PTK7: variants seen among roughly 807,000 people sequenced by gnomAD.
PTK7 encodes protein tyrosine kinase 7 (inactive).
A neutral mutation model predicts 116.6 loss-of-function variants in PTK7; 39 were observed. The observed-to-expected ratio is 0.33, with a 90% CI of 0.26 to 0.44. The LOEUF is 0.44. PTK7 is among the 20% of genes least tolerant of loss of function. The pLI, the probability that PTK7 is intolerant of heterozygous loss-of-function variation, is 1.00. For synonymous variants in PTK7, 546 were observed against 563.6 expected (o/e 0.97, Z 0.44); for missense variants, 1,169 against 1,425.6 (o/e 0.82, Z 2.90).
intron 1 of PTK7, among the ~76,000 whole-genome samples, chr6:43,100,146 G>A (rs895248394): frequency 3.9e-5 from 6 of 152,196 alleles, no homozygotes; most frequent in African/African-American, 1.4e-4. Context: ...TACTTTGGGA[G>A]GCTGAGACGG....
chr6:43,106,771 C>T (rs887707936), intron 1 of PTK7, among the ~76,000 whole-genome samples: 3 of 148,342 alleles, frequency 2.0e-5, no homozygotes, highest in African/African-American at 7.5e-5. Flanking sequence ...ACAGGCGTGA[C>T]ACCCGGCTAA....
chr6:43,109,404 CT>C (rs34550308), intron 1 of PTK7, among the ~76,000 whole-genome samples: 9,521 of 152,070 alleles, frequency 0.063, 325 homozygotes, highest in Non-Finnish European at 0.075. Context: ...TGCTTGTTTC[CT>C]TGTATGATAA....
At chr6:43,126,556 G>A (rs905585429) in intron 1 of PTK7, among the ~76,000 whole-genome samples, 3 of 152,226 alleles carry the variant, frequency 2.0e-5, no homozygotes, top group Non-Finnish European at 4.4e-5. Context: ...CCTGGCAGTC[G>A]GGAATGTGAC....
Position 43,158,955 on chromosome 6 carries a change from G to C in PTK7, c.2860G>C (p.Asp954His), listed in dbSNP as rs780361663. 1 of 1,614,028 alleles carries C rather than the reference G, an allele frequency of 6.2e-7. No individual in the cohort carries two copies. Among genetic ancestry groups the C allele is most frequent in the Non-Finnish European group, 8.5e-7 (1 of 1,180,026 alleles). The change falls in exon 18 of 20, where the codon GAT becomes CAT. Residue 954 changes from aspartate to histidine, a missense_variant. By Grantham distance (81) the Asp-to-His change is moderately conservative. Coordinates refer to ENST00000230419, the MANE Select transcript of PTK7 (RefSeq NM_002821.5). ...VKVSALGLSK[D>H]VYNSEYYHFR... ...GGTGTCTGCCCTGGGCCTCAGCAAG[G>C]ATGTGTACAACAGGTAGAAGGGCAT...
chr6:43,091,283 C>T (rs905491939), intron 1 of PTK7, among the ~76,000 whole-genome samples: 13 of 151,828 alleles, frequency 8.6e-5, no homozygotes, highest in Non-Finnish European at 1.6e-4. Context: ...GGCTCAGCCT[C>T]CCAACTAGCT....
chr6:43,104,465 C>A (rs1767751182), intron 1 of PTK7, among the ~76,000 whole-genome samples: 1 of 152,086 alleles, frequency 6.6e-6, no homozygotes, highest in Non-Finnish European at 1.5e-5. Context: ...GGCTGGAGTA[C>A]AATGGTGTGA....
rs770343207 is a variant in PTK7, at chr6:43,130,302, G to A, written c.543G>A (p.Lys181=). 1.2e-6 allele frequency: 2 copies of A among 1,611,672 alleles called. No homozygotes were observed. Among genetic ancestry groups the A allele is most frequent in the Admixed American group, 1.7e-5 (1 of 59,956 alleles). Residue 181 remains lysine, a synonymous_variant, in exon 4 of 20, where the codon AAG becomes AAA. Coordinates refer to ENST00000230419, the MANE Select transcript of PTK7 (RefSeq NM_002821.5). The stretch of plus-strand genomic sequence containing the variant: ...AGAGCAACCACACAGTCAGCAGCAA[G>A]GAGCGGAACCTGACGCTCCGGCCAG... ...DGQSNHTVSS[K]ERNLTLRPAG...
At chr6:43,127,337 G>A (rs764779934) in intron 1 of PTK7, among the ~76,000 whole-genome samples, 102 of 152,330 alleles carry the variant, frequency 6.7e-4, no homozygotes, top group Middle Eastern at 3.4e-3. Context: ...AGTCGCCCAC[G>A]CGGGCTAGGA....
Position 43,077,021 on chromosome 6 carries a change from A to G in PTK7, c.79+454A>G, listed in dbSNP as rs1005788670. 9.5e-6 allele frequency: 13 copies of G among 1,373,888 alleles called. No individual in the cohort carries two copies. In the African/African-American group the frequency reaches 1.9e-4, roughly 20 times the overall value. The allele number at this position is 1,373,888 out of a possible 1,614,324, so 85.1% of individuals were successfully genotyped here. A position where few individuals can be genotyped will look rare whatever the true frequency, so the allele number is the denominator to read the frequency against. ...GCTGGTTTGGGGCCCGATGCCGGAC[A>G]GACCTGCGGCGCGCAAAGCGCGGAG... On this transcript the variant is annotated intron_variant, in intron 1 of 19. Transcript: ENST00000230419.
chr6:43,129,634 A>T lies in PTK7; in HGVS notation c.368-93A>T. 2 of 1,117,524 alleles carry T rather than the reference A, an allele frequency of 1.8e-6. No homozygotes were observed. Among genetic ancestry groups the T allele is most frequent in the Non-Finnish European group, 2.7e-6 (2 of 739,138 alleles). The allele number at this position is 1,117,524 out of a possible 1,614,324, so 69.2% of individuals were successfully genotyped here. Reference sequence around the variant, plus strand: ...TTGTGTCTGTTGGCACAGAGCCTCGAGGTTCCACGGCTTCCTGCTTGTCCT... The same window carrying T: ...TTGTGTCTGTTGGCACAGAGCCTCGTGGTTCCACGGCTTCCTGCTTGTCCT... On this transcript the variant is annotated intron_variant, in intron 2 of 19. Coordinates refer to ENST00000230419, the MANE Select transcript of PTK7 (RefSeq NM_002821.5). This position sits in a 1 kb window ranked among gnomAD's most constrained non-coding sequence, Gnocchi z 4.5.
chr6:43,149,265 G>A (rs573375750), intron 17 of PTK7, among the ~76,000 whole-genome samples: 2 of 152,020 alleles, frequency 1.3e-5, no homozygotes, highest in African/African-American at 2.4e-5. Flanking sequence ...CCAGCTACTC[G>A]GGAGGCTGAG....
Position 43,076,922 on chromosome 6 carries a change from A to T in PTK7, c.79+355A>T, listed in dbSNP as rs565852289. ...TGTCGGGGGAGAAAAGACCATCCGCACCCACCGTGGGGAGCGCGATGGAGA... is the reference window on the plus strand; with the variant it reads ...TGTCGGGGGAGAAAAGACCATCCGCTCCCACCGTGGGGAGCGCGATGGAGA... On this transcript the variant is annotated intron_variant, in intron 1 of 19. Coordinates refer to ENST00000230419, the MANE Select transcript of PTK7 (RefSeq NM_002821.5). The surrounding 1 kb of genome is among the most constrained non-coding windows in gnomAD (Gnocchi z 5.7). 79 of 1,514,502 alleles carry T rather than the reference A, an allele frequency of 5.2e-5. 1 individual carries two copies. In the South Asian group the frequency reaches 9.6e-4, roughly 18 times the overall value. The allele number at this position is 1,514,502 out of a possible 1,614,324, so 93.8% of individuals were successfully genotyped here.
chr6:43,090,041 C>T (rs958693843), intron 1 of PTK7, among the ~76,000 whole-genome samples: 7 of 152,204 alleles, frequency 4.6e-5, no homozygotes, highest in East Asian at 1.9e-4. Flanking sequence ...AGAGATCCTG[C>T]GGAAGCCACC....
intron 17 of PTK7, among the ~76,000 whole-genome samples, chr6:43,149,110 A>G (rs1770915745): frequency 6.7e-6 from 1 of 149,458 alleles, no homozygotes; most frequent in Non-Finnish European, 1.5e-5. Flanking sequence ...AGTGGCTCAT[A>G]CCTGAAATCC....
Position 43,145,188 on chromosome 6 carries a change from C to T in PTK7, c.2408-12C>T. ...GGTGAAGGTGGCTGGCTGACTCAGA[C>T]TGTACCCACAGGGAAGAGTGAGTTT... On this transcript the variant is annotated splice_polypyrimidine_tract_variant and intron_variant, in intron 15 of 19. Coordinates refer to ENST00000230419, the MANE Select transcript of PTK7 (RefSeq NM_002821.5). This position sits in a 1 kb window ranked among gnomAD's most constrained non-coding sequence, Gnocchi z 4.8. 2 of 1,594,022 alleles carry T rather than the reference C, an allele frequency of 1.3e-6. No homozygotes were observed. Among genetic ancestry groups the T allele is most frequent in the South Asian group, 2.3e-5 (2 of 87,646 alleles).
chr6:43,130,568 A>G lies in PTK7; in HGVS notation c.719A>G (p.Glu240Gly). The change falls in exon 5 of 20, where the codon GAG becomes GGG. Residue 240 changes from glutamate to glycine, a missense_variant. By Grantham distance (98) the Glu-to-Gly change is moderately conservative. This residue lies in a region of PTK7 where 487 missense variants were observed against 549.8 expected (regional missense o/e 0.89). Transcript: ENST00000230419. ...CAGGACGTGGTAGTAGCGAGGTATG[A>G]GGAGGCCATGTTCCATTGCCAGTTC... ...APQDVVVARY[E>G]EAMFHCQFSA... is the part of the protein sequence containing the mutation. The G allele has an allele frequency of 6.2e-7, 1 of 1,614,134 alleles. No homozygotes were observed. Among genetic ancestry groups the G allele is most frequent in the Non-Finnish European group, 8.5e-7 (1 of 1,180,014 alleles).
chr6:43,077,390 G>T (rs1163888155), intron 1 of PTK7, among the ~76,000 whole-genome samples: 1 of 152,160 alleles, frequency 6.6e-6, no homozygotes, highest in Non-Finnish European at 1.5e-5. Context: ...ATTTCTAAGG[G>T]AAGAAAGGCA....
chr6:43,156,468 G>A (rs1339610689), intron 17 of PTK7, among the ~76,000 whole-genome samples: 1 of 151,928 alleles, frequency 6.6e-6, no homozygotes, highest in Non-Finnish European at 1.5e-5. Context: ...AAAAGGCTGG[G>A]ATTGATGGTA....
At chr6:43,150,470 T>G (rs1253407509) in intron 17 of PTK7, among the ~76,000 whole-genome samples, 1 of 152,184 alleles carries the variant, frequency 6.6e-6, no homozygotes, top group Non-Finnish European at 1.5e-5. Context: ...TCTGGAAAGA[T>G]AGCAAGTCAG....
Sources: gnomAD v4.1 joint callset for allele counts (sites outside exome capture counted in the v4.1 genomes callset) on GRCh38, gnomAD v4.1.1 for gene constraint, gnomAD v4.1.1 regional missense constraint, Gnocchi (gnomAD v3.1) non-coding constraint, MANE v1.5 for transcripts, NCBI Gene and HGNC (gene_info 2026-07-23, HGNC 2026-07-21) for gene names.